Variants in SHC4 observed in about 807,000 individuals in gnomAD.
The protein encoded by SHC4 is SHC adaptor protein 4.
SHC4 carries 41 observed loss-of-function variants against 69.4 expected under a neutral mutation model. The observed-to-expected ratio is 0.59, with a 90% CI of 0.46 to 0.77. The LOEUF (loss-of-function observed/expected upper bound fraction) is 0.77. Ranked by LOEUF, SHC4 falls within the 30% of genes least tolerant of loss-of-function variation. The pLI is 0.00. For synonymous variants in SHC4, 318 were observed against 299.3 expected (o/e 1.06, Z -0.64); for missense variants, 777 against 783.8 (o/e 0.99, Z 0.10).
chr15:48,897,621 G>A (rs953862477), intron 2 of SHC4, among the ~76,000 whole-genome samples: 1 of 148,850 alleles, frequency 6.7e-6, no homozygotes, highest in Non-Finnish European at 1.5e-5. Context: ...AGGCTGCGCG[G>A]CAGATTTTTT....
At chr15:48,857,137 G>A (rs1400877572) in intron 7 of SHC4, among the ~76,000 whole-genome samples, 2 of 152,208 alleles carry the variant, frequency 1.3e-5, no homozygotes, top group Non-Finnish European at 2.9e-5. Flanking sequence ...AAAGGGTTCA[G>A]CTTTCATTGC....
chr15:48,864,813 A>C (rs1450411671), intron 6 of SHC4, among the ~76,000 whole-genome samples: 1 of 152,110 alleles, frequency 6.6e-6, no homozygotes, highest in Non-Finnish European at 1.5e-5. Context: ...GAATAGCAAA[A>C]CATAATAATA....
At chr15:48,924,039 C>T (rs1167520874) in intron 2 of SHC4, among the ~76,000 whole-genome samples, 1 of 152,042 alleles carries the variant, frequency 6.6e-6, no homozygotes, top group Non-Finnish European at 1.5e-5. Context: ...TTTTTCTAGG[C>T]CTAGAATTTC....
At chr15:48,878,231 A>T (rs767090174) in intron 4 of SHC4, 3 of 1,607,584 alleles carry the variant, frequency 1.9e-6, no homozygotes, top group Non-Finnish European at 2.6e-6. Flanking sequence ...TGACCTGCAG[A>T]TGGATGTGAT....
chr15:48,942,566 G>T (rs1161038556), intron 1 of SHC4, among the ~76,000 whole-genome samples: 3 of 152,006 alleles, frequency 2.0e-5, no homozygotes, highest in Non-Finnish European at 4.4e-5. Context: ...CTGCTAGCAT[G>T]AGTGGATTAT....
chr15:48,833,175 G>A (rs1221867345), intron 11 of SHC4, among the ~76,000 whole-genome samples: 1 of 152,132 alleles, frequency 6.6e-6, no homozygotes, highest in East Asian at 1.9e-4. Context: ...CTTCATACAA[G>A]GGAAGAATCA....
At chr15:48,895,074 G>T (rs902895073) in intron 2 of SHC4, among the ~76,000 whole-genome samples, 4 of 152,034 alleles carry the variant, frequency 2.6e-5, no homozygotes, top group African/African-American at 9.7e-5. Flanking sequence ...CAAAGTGCTG[G>T]GATTAGAGGT....
At chr15:48,952,941 G>A (rs527444510) in intron 1 of SHC4, among the ~76,000 whole-genome samples, 13 of 152,172 alleles carry the variant, frequency 8.5e-5, no homozygotes, top group African/African-American at 1.4e-4. Context: ...AATATAAATC[G>A]TTCTATTATA....
intron 7 of SHC4, among the ~76,000 whole-genome samples, chr15:48,857,480 A>G (rs1410633380): frequency 2.0e-5 from 3 of 152,182 alleles, no homozygotes; most frequent in East Asian, 3.8e-4. Context: ...ATCTTGTTAC[A>G]AAGCAAGAGG....
At chr15:48,833,372 A>G (rs1020450471) in intron 11 of SHC4, among the ~76,000 whole-genome samples, 2 of 151,926 alleles carry the variant, frequency 1.3e-5, no homozygotes, top group African/African-American at 4.8e-5. Context: ...GCAGCAAGCC[A>G]CCCCACTATC....
At chr15:48,926,573 C>T (rs1389126832) in intron 1 of SHC4, among the ~76,000 whole-genome samples, 1 of 152,048 alleles carries the variant, frequency 6.6e-6, no homozygotes, top group Non-Finnish European at 1.5e-5. Context: ...AGCAATTCTC[C>T]TGCCTCAGCC....
rs866628900 is a variant in SHC4 at position 48,929,250 on chromosome 15, G to A, written c.586-4301C>T. On this transcript the variant is annotated intron_variant, in intron 1 of 11. Coordinates refer to ENST00000332408, the MANE Select transcript of SHC4 (RefSeq NM_203349.4). ...AAGCAGATAGTGGCTGAATATCAAG[G>A]CCCGAGAGAGGAGAAGTTTAGTTTG... is the stretch of plus-strand genomic sequence containing the variant. Among the ~76,000 whole-genome samples, 9 of 152,164 alleles carry A rather than the reference G, an allele frequency of 5.9e-5. No individual in the cohort carries two copies. In the South Asian group the frequency reaches 6.2e-4, roughly 11 times the overall value.
At chr15:48,887,475 G>C (rs551638057) in intron 3 of SHC4, among the ~76,000 whole-genome samples, 1 of 152,224 alleles carries the variant, frequency 6.6e-6, no homozygotes, top group South Asian at 2.1e-4. Flanking sequence ...AAAAACCACC[G>C]CATACCAAAA....
At chr15:48,857,566 T>G in intron 7 of SHC4, 126 bp downstream of exon 7, 1 of 859,408 alleles carries the variant, frequency 1.2e-6, no homozygotes, top group Non-Finnish European at 1.6e-6. Flanking sequence ...AGAAAAAAAT[T>G]ACTAATTTTA....
intron 2 of SHC4, among the ~76,000 whole-genome samples, chr15:48,911,438 G>C (rs1281752499): frequency 1.3e-5 from 2 of 151,872 alleles, no homozygotes; most frequent in African/African-American, 4.8e-5. Context: ...TACCCTACTC[G>C]TTACTTTATG....
chr15:48,938,455 A>T (rs971983495), intron 1 of SHC4: 8 of 151,452 alleles, frequency 5.3e-5, no homozygotes, highest in African/African-American at 1.9e-4. Flanking sequence ...TATTTCCCTC[A>T]CTCCTTTCTT....
chr15:48,904,011 C>T (rs1157195934), intron 2 of SHC4, among the ~76,000 whole-genome samples: 1 of 152,158 alleles, frequency 6.6e-6, no homozygotes, highest in East Asian at 1.9e-4. Flanking sequence ...CCTTAGAAAT[C>T]ACAAAAGGAC....
chr15:48,856,168 A>C, intron 7 of SHC4, 44 bp from the exon 8 acceptor site: 8 of 1,571,664 alleles, frequency 5.1e-6, no homozygotes, highest in Non-Finnish European at 6.9e-6. Flanking sequence ...GCGAAAATTC[A>C]AATACTGTAA....
chr15:48,932,666 C>T (rs1377174055), intron 1 of SHC4, among the ~76,000 whole-genome samples: 16 of 152,172 alleles, frequency 1.1e-4, no homozygotes, highest in Admixed American at 1.0e-3. Context: ...TGCAAAGTCA[C>T]TTCTTTTATG....
Sources: allele counts gnomAD v4.1 joint callset (sites outside exome capture counted in the v4.1 genomes callset), GRCh38; gene constraint gnomAD v4.1.1; transcripts MANE v1.5; gene names NCBI Gene and HGNC (gene_info 2026-07-23, HGNC 2026-07-21).